Variants in MYOM2 observed in about 807,000 individuals in gnomAD.
The protein encoded by MYOM2 is myomesin 2.
A neutral mutation model predicts 187.6 loss-of-function variants in MYOM2; 254 were observed. The observed-to-expected ratio is 1.35, with a 90% CI of 1.22 to 1.50. The LOEUF is 1.50. MYOM2 is among the 40% of genes most tolerant of loss of function. The pLI, the probability that MYOM2 is intolerant of heterozygous loss-of-function variation, is 0.00. For missense variants in MYOM2, 2,796 were observed against 1,924.0 expected, an observed-to-expected ratio of 1.45 and a Z score of -8.48; for synonymous variants, 981 against 753.8, an observed-to-expected ratio of 1.30 and a Z score of -4.94.
At chr8:2,070,785 C>T (rs925193479) in intron 8 of MYOM2, among the ~76,000 whole-genome samples, 2 of 152,140 alleles carry the variant, frequency 1.3e-5, no homozygotes, top group Admixed American at 6.5e-5. Flanking sequence ...ATTTATATAA[C>T]ACGACATTAA....
intron 20 of MYOM2, chr8:2,102,389 T>C: frequency 2.9e-6 from 1 of 345,010 alleles, no homozygotes; most frequent in Non-Finnish European, 5.3e-6. Flanking sequence ...GATTATAAAC[T>C]AGTCAGTATG....
chr8:2,141,078 T>A (rs1798258402), intron 33 of MYOM2, 63 bp from the exon 34 acceptor site: 1 of 1,505,888 alleles, frequency 6.6e-7, no homozygotes, highest in African/African-American at 1.4e-5. Flanking sequence ...GTATAATATT[T>A]GAGTGAATAA....
At chr8:2,102,471 G>A (rs893684081) in intron 20 of MYOM2, among the ~76,000 whole-genome samples, 196 bp from the exon 21 acceptor site, 5 of 152,318 alleles carry the variant, frequency 3.3e-5, no homozygotes, top group Admixed American at 6.5e-5. Flanking sequence ...GAGCGAATGC[G>A]TTTATTCCTC....
rs2294061 is a variant in MYOM2 at position 2,090,010 on chromosome 8, C to T, written c.1647C>T (p.Ser549=). 106 of 1,613,408 alleles carry T rather than the reference C, an allele frequency of 6.6e-5. No homozygotes were observed. Among genetic ancestry groups the T allele is most frequent in the Admixed American group, 8.3e-5 (5 of 59,972 alleles). ...CTCGTTTCTGTTTCTCTTTGTAGTC[C>T]GTGGTGGGGAGCGGCAGCTGGCAGA... is the stretch of plus-strand genomic sequence containing the variant. The part of the protein sequence containing the change: ...KDPLMYFIEK[S]VVGSGSWQRV... Residue 549 remains serine (S), a splice_region_variant and synonymous_variant, in exon 15 of 37, where the codon TCC becomes TCT. Coordinates refer to ENST00000262113, the MANE Select transcript of MYOM2 (RefSeq NM_003970.4).
chr8:2,144,519 C>T (rs1798386931), intron 36 of MYOM2, 145 bp from the exon 37 acceptor site: 1 of 795,412 alleles, frequency 1.3e-6, no homozygotes, highest in Non-Finnish European at 2.0e-6. Context: ...GAGCGGCGCT[C>T]ATGTACATAA....
rs920267443 is a variant in MYOM2 at position 2,066,348 on chromosome 8, C to T, written c.654-2930C>T. 5.9e-5 allele frequency among the ~76,000 whole-genome samples: 9 copies of T among 152,194 alleles called. No homozygotes were observed. The South Asian group carries it at 6.2e-4, about 11-fold the overall frequency. On this transcript the variant is annotated intron_variant, in intron 6 of 36. Transcript: ENST00000262113. Reference sequence around the variant, plus strand: ...TTCCGATCAAGCAGATTTTACAGACCGCCTTGCTCACTTCCATATACTCTG... The same window carrying T: ...TTCCGATCAAGCAGATTTTACAGACTGCCTTGCTCACTTCCATATACTCTG...
intron 31 of MYOM2, among the ~76,000 whole-genome samples, chr8:2,126,224 G>A (rs908012731): frequency 2.0e-5 from 3 of 152,170 alleles, no homozygotes; most frequent in Non-Finnish European, 4.4e-5. Flanking sequence ...GTTGGATAGG[G>A]ACAGAGGGGA....
chr8:2,120,831 A>G (rs1187502806), intron 28 of MYOM2, among the ~76,000 whole-genome samples: 1 of 149,844 alleles, frequency 6.7e-6, no homozygotes, highest in Non-Finnish European at 1.5e-5. Flanking sequence ...AGTGATAACT[A>G]GAGCTAAGGC....
chr8:2,096,275 G>T lies in MYOM2; in HGVS notation c.2154G>T (p.Thr718=), dbSNP rs781113846. ...LTVPSHPYGI[T]LLNCDGHSMT... ...TCCCGTCCCATCCTTATGGGATTAC[G>T]CTCCTCAACTGTGACGGCCACTCCA... Residue 718 remains threonine, a synonymous_variant, in exon 18 of 37, where the codon ACG becomes ACT. Coordinates refer to ENST00000262113, the MANE Select transcript of MYOM2 (RefSeq NM_003970.4). 20 of 1,613,962 alleles carry T rather than the reference G, an allele frequency of 1.2e-5. No homozygotes were observed. The South Asian group carries it at 2.1e-4, about 17-fold the overall frequency.
chr8:2,100,915 C>T lies in MYOM2; in HGVS notation c.2480C>T (p.Thr827Met), dbSNP rs1424306450. 5 of 1,614,054 alleles carry T rather than the reference C, an allele frequency of 3.1e-6. No individual in the cohort carries two copies. The East Asian group carries it at 6.7e-5, about 22-fold the overall frequency. The change falls in exon 20 of 37, where the codon ACG becomes ATG. Residue 827 changes from threonine (T) to methionine (M), a missense_variant. Coordinates refer to ENST00000262113, the MANE Select transcript of MYOM2 (RefSeq NM_003970.4). ...YDLTFCEVRDTSLVMLWKAPV... is the reference protein window; with the variant it reads ...YDLTFCEVRDMSLVMLWKAPV... ...TTGACGTTCTGTGAGGTCAGGGACA[C>T]GTCCTTGGTCATGCTGTGGAAGGCC...
In MYOM2 at chr8:2,094,078, G is replaced by C. The variant is rs748598189; in HGVS notation, c.2112G>C (p.Val704=). 5 of 1,614,020 alleles carry C rather than the reference G, an allele frequency of 3.1e-6. No individual in the cohort carries two copies. The Admixed American group carries it at 8.3e-5, about 27-fold the overall frequency. Residue 704 remains valine (V), a synonymous_variant, in exon 17 of 37, where the codon GTG becomes GTC. Coordinates refer to ENST00000262113, the MANE Select transcript of MYOM2 (RefSeq NM_003970.4). ...CCCAGGAATCAGACGTCATAAAAGT[G>C]CAGGCCGCACTCAGTAAGTCACTCA... ...ENSQESDVIK[V]QAALTVPSHP... is the part of the protein sequence containing the mutation.
chr8:2,069,469 A>T lies in MYOM2; in HGVS notation c.765A>T (p.Pro255=), dbSNP rs776796780. 6.2e-7 allele frequency: 1 copy of T among 1,614,044 alleles called. No homozygotes were observed. Among genetic ancestry groups the T allele is most frequent in the African/African-American group, 1.3e-5 (1 of 74,910 alleles). Residue 255 remains proline, a synonymous_variant, in exon 8 of 37, where the codon CCA becomes CCT. Coordinates refer to ENST00000262113, the MANE Select transcript of MYOM2 (RefSeq NM_003970.4). ...CAGGGTTCCGGGGAGACGAGGAACC[A>T]TTCCGTTCGGTGGGACTCCCGATTG... ...VVRRFRGDEE[P]FRSVGLPIGL... is the part of the protein sequence containing the mutation.
In MYOM2 at chr8:2,106,262, G is replaced by A; in HGVS notation, c.2755G>A (p.Gly919Ser). 1 of 1,614,146 alleles carries A rather than the reference G, an allele frequency of 6.2e-7. No individual in the cohort carries two copies. Residue 919 changes from glycine (G) to serine (S), a missense_variant, in exon 22 of 37, where the codon GGT (glycine) becomes AGT (serine). Transcript: ENST00000262113. ...TGCAGGCACCAAGGAAATCAGTGCT[G>A]GTGTCGATGAACAAGGCAACATCTA... ...ARPGTKEISA[G>S]VDEQGNIYLG... is the part of the protein sequence containing the mutation.
At chr8:2,101,816 A>T (rs1177722792) in intron 20 of MYOM2, among the ~76,000 whole-genome samples, 1 of 152,230 alleles carries the variant, frequency 6.6e-6, no homozygotes, top group African/African-American at 2.4e-5. Flanking sequence ...CCACACACAG[A>T]TATACACACA....
intron 31 of MYOM2, among the ~76,000 whole-genome samples, chr8:2,124,546 C>T (rs561236413): frequency 1.3e-5 from 2 of 152,236 alleles, no homozygotes; most frequent in East Asian, 3.9e-4. Context: ...GTTGAATAGC[C>T]GTAATGAATT....
At chr8:2,045,647 G>A (rs7838133) in intron 1 of MYOM2, among the ~76,000 whole-genome samples, 8,905 of 152,292 alleles carry the variant, frequency 0.058, 346 homozygotes, top group African/African-American at 0.086. Flanking sequence ...TATTATCCAC[G>A]GTATGGGAAA....
chr8:2,057,653 A>C lies in MYOM2; in HGVS notation c.433A>C (p.Thr145Pro). 2 of 1,614,026 alleles carry C rather than the reference A, an allele frequency of 1.2e-6. No individual in the cohort carries two copies. The highest frequency in any genetic ancestry group is 2.2e-5 in the South Asian group (2 of 91,068). ...MEDKLAWERH[T>P]FEERISRAPE... Reference sequence around the variant, plus strand: ...GGACAAGCTGGCCTGGGAGAGACACACATTTGAAGAGCGGATAAGCAGGGC... The same window carrying C: ...GGACAAGCTGGCCTGGGAGAGACACCCATTTGAAGAGCGGATAAGCAGGGC... The change falls in exon 5 of 37, where the codon ACA (threonine) becomes CCA (proline). Residue 145 changes from threonine to proline, a missense_variant. By Grantham distance (38) the Thr-to-Pro change is conservative. Coordinates refer to ENST00000262113, the MANE Select transcript of MYOM2 (RefSeq NM_003970.4).
chr8:2,074,091 A>G (rs1280811090), intron 10 of MYOM2, among the ~76,000 whole-genome samples: 1 of 152,210 alleles, frequency 6.6e-6, no homozygotes, highest in Admixed American at 6.5e-5. Flanking sequence ...CAGCAGACTC[A>G]CTAGGGAAGC....
chr8:2,085,488 G>T, intron 14 of MYOM2, 98 bp downstream of exon 14: 1 of 1,399,574 alleles, frequency 7.1e-7, no homozygotes, highest in East Asian at 2.6e-5. Flanking sequence ...TCTCCGCGTG[G>T]CCCCTCACTG....
Sources: allele counts gnomAD v4.1 joint callset (sites outside exome capture counted in the v4.1 genomes callset), GRCh38; gene constraint gnomAD v4.1.1; transcripts MANE v1.5; gene names NCBI Gene and HGNC (gene_info 2026-07-23, HGNC 2026-07-21).